Variants in ADAMTS3 observed in about 807,000 individuals in gnomAD.
ADAMTS3 encodes the protein A disintegrin and metalloproteinase with thrombospondin motifs 3.
A neutral mutation model predicts 129.0 loss-of-function variants in ADAMTS3; 73 were observed. That is an observed-to-expected ratio of 0.57 (90% CI 0.47 to 0.69). The LOEUF (loss-of-function observed/expected upper bound fraction) is 0.69. Among genes scored for constraint, ADAMTS3 ranks in the 30% least tolerant of loss-of-function variants. The probability of loss-of-function intolerance (pLI) is 0.00; values close to 1 mark genes in which losing one functional copy is unlikely to be tolerated. For missense variants in ADAMTS3, 1,457 were observed against 1,514.5 expected, an observed-to-expected ratio of 0.96 and a Z score of 0.63; for synonymous variants, 477 against 510.8, an observed-to-expected ratio of 0.93 and a Z score of 0.89.
intron 4 of ADAMTS3, among the ~76,000 whole-genome samples, chr4:72,378,097 C>T (rs562855006): frequency 6.6e-6 from 1 of 152,138 alleles, no homozygotes; most frequent in Non-Finnish European, 1.5e-5. Context: ...TATGAACAAT[C>T]CCATCTCAAT....
intron 4 of ADAMTS3, among the ~76,000 whole-genome samples, chr4:72,379,784 T>C (rs867579772): frequency 6.6e-6 from 1 of 152,142 alleles, no homozygotes; most frequent in Non-Finnish European, 1.5e-5. Context: ...ACATATGTCT[T>C]ACAGGATTAC....
chr4:72,504,925 T>G (rs967005121), intron 3 of ADAMTS3, among the ~76,000 whole-genome samples: 1 of 152,238 alleles, frequency 6.6e-6, no homozygotes, highest in African/African-American at 2.4e-5. Flanking sequence ...CTAATTGATT[T>G]CTTTTTAAGA....
intron 3 of ADAMTS3, among the ~76,000 whole-genome samples, chr4:72,457,981 G>A (rs774192418): frequency 2.7e-5 from 4 of 149,266 alleles, no homozygotes; most frequent in Non-Finnish European, 5.9e-5. Flanking sequence ...TTAAAGGACA[G>A]ACAGCCCCTG....
intron 4 of ADAMTS3, among the ~76,000 whole-genome samples, chr4:72,380,569 G>A (rs1721260852): frequency 6.6e-6 from 1 of 152,114 alleles, no homozygotes; most frequent in South Asian, 2.1e-4. Flanking sequence ...TTTGATAAAG[G>A]TACTTTTCCC....
At chr4:72,469,415 C>T (rs529725530) in intron 3 of ADAMTS3, among the ~76,000 whole-genome samples, 1 of 152,210 alleles carries the variant, frequency 6.6e-6, no homozygotes, top group South Asian at 2.1e-4. Context: ...TTCTTCCTCT[C>T]TAAAATGAGG....
intron 4 of ADAMTS3, among the ~76,000 whole-genome samples, chr4:72,347,433 A>T (rs942268777): frequency 1.7e-4 from 26 of 151,970 alleles, no homozygotes; most frequent in African/African-American, 6.0e-4. Context: ...CTTCTTCTGT[A>T]GTCAACTATT....
At position 72,426,809 on chromosome 4, in the gene ADAMTS3, GC is replaced by G. The variant is rs201028400; in HGVS notation, c.505-11839del. 7.4e-3 allele frequency among the ~76,000 whole-genome samples: 1,129 copies of G among 152,142 alleles called. 9 individuals are homozygous for G. Among genetic ancestry groups the G allele is most frequent in the African/African-American group, 0.026 (1,091 of 41,500 alleles). On this transcript the variant is annotated intron_variant, in intron 3 of 21. Transcript: ENST00000286657. ...TTGAGAGGCTGAGATGAGAGGACTTGCTTGAACCCTGGAGGTCAAGACTGCA... is the reference window on the plus strand; with the variant it reads ...TTGAGAGGCTGAGATGAGAGGACTTGTTGAACCCTGGAGGTCAAGACTGCA...
intron 3 of ADAMTS3, among the ~76,000 whole-genome samples, chr4:72,467,028 C>A (rs1718940411): frequency 6.6e-6 from 1 of 152,026 alleles, no homozygotes; most frequent in South Asian, 2.1e-4. Flanking sequence ...TGGAAGTAAT[C>A]AAACATTATT....
At chr4:72,356,754 A>T (rs1002108103) in intron 4 of ADAMTS3, among the ~76,000 whole-genome samples, 1 of 151,828 alleles carries the variant, frequency 6.6e-6, no homozygotes, top group African/African-American at 2.4e-5. Flanking sequence ...GCATCAAAAC[A>T]TCATTTAAAA....
intron 4 of ADAMTS3, among the ~76,000 whole-genome samples, chr4:72,414,076 T>C (rs1461284451): frequency 6.6e-6 from 1 of 151,900 alleles, no homozygotes; most frequent in African/African-American, 2.4e-5. Flanking sequence ...AAAACTCTAT[T>C]CTTCATTAAG....
chr4:72,527,668 T>C (rs1368029180), intron 3 of ADAMTS3, among the ~76,000 whole-genome samples: 1 of 152,090 alleles, frequency 6.6e-6, no homozygotes, highest in Admixed American at 6.6e-5. Context: ...ACAATACTTG[T>C]CGAAAAGAAG....
intron 3 of ADAMTS3, among the ~76,000 whole-genome samples, chr4:72,530,649 ATAT>A (rs1359811388): frequency 0.019 from 1,423 of 75,474 alleles, 17 homozygotes; most frequent in Non-Finnish European, 0.028. Context: ...ATTATATATA[ATAT>A]TATATATATT....
intron 3 of ADAMTS3, among the ~76,000 whole-genome samples, chr4:72,529,279 G>A (rs1020563254): frequency 2.0e-5 from 3 of 152,102 alleles, no homozygotes; most frequent in Non-Finnish European, 4.4e-5. Flanking sequence ...ACCAGTTCTT[G>A]TAGGACAGTG....
At chr4:72,361,780 T>G (rs2109855920) in intron 4 of ADAMTS3, among the ~76,000 whole-genome samples, 1 of 152,176 alleles carries the variant, frequency 6.6e-6, no homozygotes, top group Non-Finnish European at 1.5e-5. Flanking sequence ...GTCCTGTATG[T>G]CTCTAACAAT....
rs72852099 is a variant in ADAMTS3, at chr4:72,458,160, T to C, written c.505-43189A>G. The stretch of plus-strand genomic sequence containing the variant: ...AACTTAGGAATTCCTGTTTTACTGT[T>C]AGGAAGGAAGACAGAACTCTAGGAC... On this transcript the variant is annotated intron_variant, in intron 3 of 21. Coordinates refer to ENST00000286657, the MANE Select transcript of ADAMTS3 (RefSeq NM_014243.3). Among the ~76,000 whole-genome samples the C allele has an allele frequency of 5.4e-3, 820 of 151,648 alleles. 11 individuals are homozygous for C. The highest frequency in any genetic ancestry group is 0.019 in the African/African-American group (782 of 41,462).
intron 11 of ADAMTS3, among the ~76,000 whole-genome samples, chr4:72,315,526 G>A (rs1645926174): frequency 6.6e-6 from 1 of 152,102 alleles, no homozygotes; most frequent in Non-Finnish European, 1.5e-5. Flanking sequence ...GCTGGGAGAA[G>A]CAAAGAAAAG....
chr4:72,320,663 T>G (rs1336194083), intron 7 of ADAMTS3, 51 bp downstream of exon 7: 1 of 1,582,350 alleles, frequency 6.3e-7, no homozygotes, highest in East Asian at 2.3e-5. Context: ...TTAGGATTAC[T>G]TTTTAAAAGT....
chr4:72,326,988 T>C (rs1204430284), intron 5 of ADAMTS3, among the ~76,000 whole-genome samples: 1 of 152,166 alleles, frequency 6.6e-6, no homozygotes, highest in African/African-American at 2.4e-5. Context: ...AATGTTTTCC[T>C]ATATTTACAC....
intron 3 of ADAMTS3, among the ~76,000 whole-genome samples, chr4:72,493,570 T>C (rs1308130088): frequency 2.0e-5 from 3 of 152,006 alleles, no homozygotes; most frequent in Non-Finnish European, 2.9e-5. Flanking sequence ...GTGTAACCAC[T>C]AACACATTTT....
Sources: allele counts gnomAD v4.1 joint callset (sites outside exome capture counted in the v4.1 genomes callset), GRCh38; gene constraint gnomAD v4.1.1; transcripts MANE v1.5; gene names NCBI Gene and HGNC (gene_info 2026-07-23, HGNC 2026-07-21).